The following C1QTNF3 variants were observed in gnomAD, a reference collection of about 807,000 sequenced individuals.
C1QTNF3 encodes C1q and TNF related 3, also known as complement C1q tumor necrosis factor-related protein 3.
C1QTNF3 carries 26 observed loss-of-function variants against 32.6 expected under a neutral mutation model. The ratio of observed to expected loss-of-function variants is 0.80; its 90% CI spans 0.58 to 1.11. The LOEUF (loss-of-function observed/expected upper bound fraction) is 1.11, where lower values mean the gene tolerates loss of function less well. C1QTNF3 is among the 50% of genes least tolerant of loss of function. The probability of loss-of-function intolerance (pLI) is 0.00; values close to 1 mark genes in which losing one functional copy is unlikely to be tolerated. For missense variants in C1QTNF3, 362 were observed against 398.2 expected, an observed-to-expected ratio of 0.91 and a Z score of 0.77; for synonymous variants, 155 against 146.0, an observed-to-expected ratio of 1.06 and a Z score of -0.44.
At chr5:34,222,360 G>A in the C1QTNF3 span, among the ~76,000 whole-genome samples, 2 of 151,734 alleles carry the variant, frequency 1.3e-5, no homozygotes, top group Non-Finnish European at 2.9e-5. Flanking sequence ...TTGTTTATAA[G>A]TTTTACTCTT....
intron 3 of C1QTNF3, chr5:34,033,081 C>T (rs1313975840): frequency 2.1e-6 from 1 of 478,326 alleles, no homozygotes; most frequent in Non-Finnish European, 3.6e-6. Flanking sequence ...ACTTAGATTT[C>T]ACCCTTCATA....
chr5:34,197,399 A>G, the C1QTNF3 span, among the ~76,000 whole-genome samples: 1 of 152,216 alleles, frequency 6.6e-6, no homozygotes, highest in Non-Finnish European at 1.5e-5. Context: ...CCATTCTCTT[A>G]TAAAAGAAAT....
At chr5:34,150,348 G>A in the C1QTNF3 span, among the ~76,000 whole-genome samples, 5 of 95,218 alleles carry the variant, frequency 5.3e-5, no homozygotes, top group Admixed American at 5.4e-4. Context: ...AGCTCTGCAC[G>A]AAGCAGACCT....
At chr5:34,115,899 C>A in the C1QTNF3 span, among the ~76,000 whole-genome samples, 10 of 152,004 alleles carry the variant, frequency 6.6e-5, no homozygotes, top group Non-Finnish European at 1.0e-4. Context: ...TGCAGTAAAT[C>A]TTTGATCATG....
At chr5:34,064,799 C>T in the C1QTNF3 span, among the ~76,000 whole-genome samples, 1 of 152,028 alleles carries the variant, frequency 6.6e-6, no homozygotes, top group Non-Finnish European at 1.5e-5. Context: ...GGGAGGGGAC[C>T]CAAAGGGAGT....
intron 2 of C1QTNF3, among the ~76,000 whole-genome samples, chr5:34,035,159 G>A (rs1437570225): frequency 1.3e-5 from 2 of 152,196 alleles, no homozygotes; most frequent in African/African-American, 4.8e-5. Flanking sequence ...TGACTGAATT[G>A]CTGGTCTAGT....
chr5:34,205,494 T>C, the C1QTNF3 span, among the ~76,000 whole-genome samples: 2 of 152,136 alleles, frequency 1.3e-5, no homozygotes, highest in Non-Finnish European at 2.9e-5. Flanking sequence ...ATCTGGTTGT[T>C]TAAAAGTGTG....
At chr5:34,059,710 T>C in the C1QTNF3 span, among the ~76,000 whole-genome samples, 1 of 152,106 alleles carries the variant, frequency 6.6e-6, no homozygotes, top group African/African-American at 2.4e-5. Context: ...TTGGGGGAAA[T>C]ACAAACATTC....
chr5:34,102,893 A>G, the C1QTNF3 span, among the ~76,000 whole-genome samples: 2 of 152,226 alleles, frequency 1.3e-5, no homozygotes, highest in Non-Finnish European at 2.9e-5. Context: ...ATGACGGGTT[A>G]ATGGGTGCAG....
the C1QTNF3 span, among the ~76,000 whole-genome samples, chr5:34,132,417 ATGTATG>A: frequency 3.0e-4 from 34 of 112,066 alleles, no homozygotes; most frequent in Non-Finnish European, 4.7e-4. Flanking sequence ...ATATATATAT[ATGTATG>A]TGTATGTGTA....
At chr5:34,159,563 T>C in the C1QTNF3 span, among the ~76,000 whole-genome samples, 2 of 152,116 alleles carry the variant, frequency 1.3e-5, no homozygotes, top group Admixed American at 6.5e-5. Flanking sequence ...CAATTTATAG[T>C]GTTTATTGAA....
At chr5:34,242,599 T>C in the C1QTNF3 span, among the ~76,000 whole-genome samples, 1 of 152,092 alleles carries the variant, frequency 6.6e-6, no homozygotes, top group African/African-American at 2.4e-5. Flanking sequence ...ACATTGGCCT[T>C]GGCAAATAAT....
the C1QTNF3 span, among the ~76,000 whole-genome samples, chr5:34,240,593 G>C: frequency 6.6e-6 from 1 of 151,642 alleles, no homozygotes; most frequent in East Asian, 1.9e-4. Flanking sequence ...ATACTGAAGA[G>C]ACCAATATGA....
chr5:34,130,809 G>A, the C1QTNF3 span, among the ~76,000 whole-genome samples: 81 of 152,214 alleles, frequency 5.3e-4, no homozygotes, highest in Non-Finnish European at 8.4e-4. Context: ...GGCCTCTCAC[G>A]GTGTGAGACC....
chr5:34,201,262 A>C, the C1QTNF3 span, among the ~76,000 whole-genome samples: 1 of 152,150 alleles, frequency 6.6e-6, no homozygotes, highest in African/African-American at 2.4e-5. Flanking sequence ...AAGAAAATTT[A>C]ATAGATCATC....
At chr5:34,210,096 T>A in the C1QTNF3 span, among the ~76,000 whole-genome samples, 1 of 152,066 alleles carries the variant, frequency 6.6e-6, no homozygotes, top group Non-Finnish European at 1.5e-5. Context: ...AAAGTCAATC[T>A]TTTTATAAAA....
the C1QTNF3 span, among the ~76,000 whole-genome samples, chr5:34,072,110 A>G: frequency 6.6e-6 from 1 of 152,070 alleles, no homozygotes; most frequent in African/African-American, 2.4e-5. Flanking sequence ...TCCATTTTTA[A>G]CAAGTAAACG....
the C1QTNF3 span, chr5:34,158,014 C>A: frequency 6.6e-6 from 1 of 152,202 alleles, no homozygotes; most frequent in East Asian, 1.9e-4. Flanking sequence ...CCACCAATAT[C>A]CTCTCCATCT....
At position 34,019,584 on chromosome 5, in the gene C1QTNF3, C is replaced by A. The variant is rs1236767613; in HGVS notation, c.*999G>T. ...TGACCCTGCTGTGTGCCCAAGTCAC[C>A]TATTCACATGGCTGTTCACATCATC... On this transcript the variant is annotated 3_prime_UTR_variant, in exon 6 of 6. Transcript: ENST00000382065. 1.2e-4 allele frequency: 18 copies of A among 152,236 alleles called. No homozygotes were observed. 9.4% of individuals were successfully genotyped at this position (152,236 alleles called of 1,614,324 possible).
Sources: allele counts gnomAD v4.1 joint callset (sites outside exome capture counted in the v4.1 genomes callset), GRCh38; gene constraint gnomAD v4.1.1; transcripts MANE v1.5; gene names NCBI Gene and HGNC (gene_info 2026-07-23, HGNC 2026-07-21).